The following SGCD variants were observed in gnomAD, a reference collection of about 807,000 sequenced individuals.
SGCD encodes the protein sarcoglycan delta.
In SGCD, 18 loss-of-function variants were observed where a neutral mutation model predicts 36.6. That is an observed-to-expected ratio of 0.49 (90% CI 0.34 to 0.73). The LOEUF is 0.73. SGCD is among the 30% of genes least tolerant of loss of function. The probability of loss-of-function intolerance (pLI) is 0.01; values close to 1 mark genes in which losing one functional copy is unlikely to be tolerated. For synonymous variants in SGCD, 133 were observed against 130.6 expected (o/e 1.02, Z -0.12); for missense variants, 387 against 346.7 (o/e 1.12, Z -0.92).
chr5:155,934,466 G>T (rs1422336130), intron 1 of SGCD, among the ~76,000 whole-genome samples: 1 of 152,130 alleles, frequency 6.6e-6, no homozygotes, highest in Non-Finnish European at 1.5e-5. Context: ...CTGACAAACA[G>T]AATAACTTAT....
In SGCD at chr5:156,408,323, A is replaced by T. The variant is rs563594173; in HGVS notation, c.192+63646A>T. 2.6e-5 allele frequency among the ~76,000 whole-genome samples: 4 copies of T among 151,862 alleles called. No individual in the cohort carries two copies. In the East Asian group the frequency reaches 7.8e-4, roughly 29 times the overall value. On this transcript the variant is annotated intron_variant, in intron 3 of 8. Transcript: ENST00000337851. ...ATACAACCCTGAAAAGCCTGGTTTA[A>T]CCTAATCGGGCTCCTGTGGAGGAAC...
At chr5:156,193,152 A>C (rs1422777349) in intron 3 of SGCD, among the ~76,000 whole-genome samples, 2 of 152,120 alleles carry the variant, frequency 1.3e-5, no homozygotes, top group Non-Finnish European at 2.9e-5. Flanking sequence ...GGTTTTCTTC[A>C]TGTAGTCAAA....
At chr5:156,740,446 CCTT>C (rs566683368) in intron 7 of SGCD, among the ~76,000 whole-genome samples, 38 of 152,342 alleles carry the variant, frequency 2.5e-4, no homozygotes, top group African/African-American at 8.4e-4. Context: ...AATTATGTCA[CCTT>C]CTTAGAGACA....
intron 3 of SGCD, among the ~76,000 whole-genome samples, chr5:156,397,075 G>A (rs965196088): frequency 3.3e-5 from 5 of 152,180 alleles, no homozygotes; most frequent in Non-Finnish European, 5.9e-5. Context: ...GGAGGAAAGA[G>A]TATTGATCAG....
chr5:156,120,479 G>A (rs772353290), intron 2 of SGCD, among the ~76,000 whole-genome samples: 2 of 152,062 alleles, frequency 1.3e-5, no homozygotes, highest in Non-Finnish European at 2.9e-5. Context: ...CTAGAACAAA[G>A]GCTTAATGAA....
intron 3 of SGCD, among the ~76,000 whole-genome samples, chr5:156,414,730 A>G (rs915757632): frequency 6.6e-6 from 1 of 152,268 alleles, no homozygotes; most frequent in Non-Finnish European, 1.5e-5. Flanking sequence ...AGTGGGAAAT[A>G]ATCTGTTATT....
intron 1 of SGCD, among the ~76,000 whole-genome samples, chr5:155,879,578 A>G (rs1755837569): frequency 2.6e-5 from 4 of 152,190 alleles, no homozygotes; most frequent in Admixed American, 2.0e-4. Context: ...CAGGCTTCTA[A>G]AAAGCCTAAT....
intron 3 of SGCD, among the ~76,000 whole-genome samples, chr5:156,484,625 C>T (rs150150682): frequency 6.6e-5 from 10 of 152,196 alleles, no homozygotes; most frequent in Non-Finnish European, 1.2e-4. Context: ...TCCGGATACT[C>T]GGAAATGGCT....
intron 1 of SGCD, among the ~76,000 whole-genome samples, chr5:155,982,161 A>G (rs907561453): frequency 8.5e-5 from 13 of 152,140 alleles, no homozygotes; most frequent in South Asian, 2.1e-4. Flanking sequence ...TGAAGGCGCT[A>G]TGAGAGACAA....
intron 1 of SGCD, among the ~76,000 whole-genome samples, chr5:155,877,755 C>T (rs1755796389): frequency 6.6e-6 from 1 of 151,950 alleles, no homozygotes; most frequent in South Asian, 2.1e-4. Flanking sequence ...AAAAGGAGTT[C>T]TTTGTCTAAA....
chr5:155,757,965 G>A, the SGCD span, among the ~76,000 whole-genome samples: 2 of 152,106 alleles, frequency 1.3e-5, no homozygotes, highest in Admixed American at 6.6e-5. Flanking sequence ...GCCACCATCC[G>A]TGTAATAGGT....
intron 1 of SGCD, among the ~76,000 whole-genome samples, chr5:155,949,528 G>A (rs2113427095): frequency 6.6e-6 from 1 of 152,282 alleles, no homozygotes; most frequent in South Asian, 2.1e-4. Context: ...GTATATGTTG[G>A]AGTAAGAAGT....
At chr5:155,820,329 T>G in the SGCD span, among the ~76,000 whole-genome samples, 1 of 152,154 alleles carries the variant, frequency 6.6e-6, no homozygotes, top group Non-Finnish European at 1.5e-5. Context: ...AGGTCTTGTC[T>G]TCAATCTATA....
At chr5:156,054,474 A>T (rs1410424852) in intron 1 of SGCD, among the ~76,000 whole-genome samples, 1 of 143,910 alleles carries the variant, frequency 6.9e-6, no homozygotes, top group Admixed American at 6.9e-5. Flanking sequence ...TTTAGTAGAG[A>T]CGGCGTTTCA....
intron 3 of SGCD, among the ~76,000 whole-genome samples, chr5:156,303,938 G>T (rs1164986281): frequency 6.6e-6 from 1 of 151,852 alleles, no homozygotes; most frequent in Non-Finnish European, 1.5e-5. Context: ...TAGGGGAGGA[G>T]TGACACAAGC....
intron 3 of SGCD, among the ~76,000 whole-genome samples, chr5:156,301,254 TGTGTTGTAG>T (rs1581229254): frequency 6.6e-6 from 1 of 152,056 alleles, no homozygotes; most frequent in East Asian, 1.9e-4. Flanking sequence ...TTTTTGTGTA[TGTGTTGTAG>T]GTTTTTATAT....
chr5:155,928,827 A>T (rs1361371243), intron 1 of SGCD, among the ~76,000 whole-genome samples: 1 of 152,178 alleles, frequency 6.6e-6, no homozygotes, highest in East Asian at 1.9e-4. Context: ...AAATAAATTA[A>T]GCATATTTTA....
intron 7 of SGCD, among the ~76,000 whole-genome samples, chr5:156,708,427 A>G (rs933899597): frequency 6.6e-5 from 10 of 152,190 alleles, no homozygotes; most frequent in Non-Finnish European, 1.3e-4. Context: ...GAAAGACAGC[A>G]TGGTATAAGT....
At chr5:156,262,889 G>A (rs1487000071) in intron 3 of SGCD, among the ~76,000 whole-genome samples, 1 of 151,104 alleles carries the variant, frequency 6.6e-6, no homozygotes. Context: ...TGGCTGAATA[G>A]TATTCCATGG....
Sources: allele counts gnomAD v4.1 joint callset (sites outside exome capture counted in the v4.1 genomes callset), GRCh38; gene constraint gnomAD v4.1.1; transcripts MANE v1.5; gene names NCBI Gene and HGNC (gene_info 2026-07-23, HGNC 2026-07-21).